Variants in NCKAP5 observed in about 807,000 individuals in gnomAD.
The protein encoded by NCKAP5 is nck-associated protein 5.
A neutral mutation model predicts 167.0 loss-of-function variants in NCKAP5; 92 were observed. The ratio of observed to expected loss-of-function variants is 0.55; its 90% CI spans 0.47 to 0.66. NCKAP5 has a LOEUF of 0.66. NCKAP5 is among the 30% of genes least tolerant of loss of function. The probability of loss-of-function intolerance (pLI) is 0.00; values close to 1 mark genes in which losing one functional copy is unlikely to be tolerated. For missense variants in NCKAP5, 2,378 were observed against 2,315.0 expected (o/e 1.03, Z -0.56); for synonymous variants, 891 against 877.4 (o/e 1.02, Z -0.27).
intron 11 of NCKAP5, among the ~76,000 whole-genome samples, chr2:132,846,466 G>A (rs928041867): frequency 3.3e-5 from 5 of 151,900 alleles, no homozygotes; most frequent in South Asian, 2.1e-4. Context: ...CACCACGCCC[G>A]GCTAATTTTT....
chr2:133,468,575 T>C (rs1692786814), intron 3 of NCKAP5, among the ~76,000 whole-genome samples: 2 of 152,280 alleles, frequency 1.3e-5, no homozygotes, highest in Non-Finnish European at 1.5e-5. Context: ...TTGTTGACTT[T>C]CTGTCTCGTT....
At chr2:133,661,021 G>A in the NCKAP5 span, among the ~76,000 whole-genome samples, 1 of 151,494 alleles carries the variant, frequency 6.6e-6, no homozygotes, top group Admixed American at 6.6e-5. Context: ...ATTAAAAGAT[G>A]TCTTTCCTGA....
intron 3 of NCKAP5, among the ~76,000 whole-genome samples, chr2:133,399,491 G>A (rs1687967380): frequency 6.6e-6 from 1 of 152,144 alleles, no homozygotes. Flanking sequence ...TGTACATATA[G>A]ATAGGCAAGA....
intron 8 of NCKAP5, among the ~76,000 whole-genome samples, chr2:132,960,842 G>A (rs985528586): frequency 6.6e-6 from 1 of 152,090 alleles, no homozygotes; most frequent in Non-Finnish European, 1.5e-5. Context: ...AATTAAAGAA[G>A]ACTGCTGTCC....
chr2:132,743,435 T>C (rs1232666362), intron 16 of NCKAP5, among the ~76,000 whole-genome samples: 1 of 151,788 alleles, frequency 6.6e-6, no homozygotes, highest in East Asian at 1.9e-4. Context: ...GGAGAGGTTA[T>C]ATGAAAATAG....
At chr2:133,485,418 C>T (rs1311767316) in intron 3 of NCKAP5, among the ~76,000 whole-genome samples, 1 of 152,106 alleles carries the variant, frequency 6.6e-6, no homozygotes, top group Non-Finnish European at 1.5e-5. Flanking sequence ...TAGATTTTGG[C>T]AGCTTCTAGA....
At chr2:133,172,483 T>G (rs1167177006) in intron 5 of NCKAP5, among the ~76,000 whole-genome samples, 1 of 152,244 alleles carries the variant, frequency 6.6e-6, no homozygotes, top group African/African-American at 2.4e-5. Flanking sequence ...TCATATCTGT[T>G]TTTTTGAGAC....
intron 16 of NCKAP5, among the ~76,000 whole-genome samples, chr2:132,773,163 G>A (rs1205411174): frequency 6.6e-6 from 1 of 152,192 alleles, no homozygotes; most frequent in Non-Finnish European, 1.5e-5. Flanking sequence ...TGGCCTGGAG[G>A]AGCTAAAGGT....
chr2:132,868,960 A>C lies in NCKAP5; in HGVS notation c.663T>G (p.Val221=). The C allele has an allele frequency of 6.5e-7, 1 of 1,548,020 alleles. No individual in the cohort carries two copies. The highest frequency in any genetic ancestry group is 1.4e-5 in the African/African-American group (1 of 73,052). The part of the protein sequence containing the change: ...ERCLDEVANQ[V]VQALLTQKDL... ...CCTTTTGAGTAAGCAGAGCTTGAACAACTTGGTTGGCTACCTTTAAAAAAT... is the reference window on the plus strand; with the variant it reads ...CCTTTTGAGTAAGCAGAGCTTGAACCACTTGGTTGGCTACCTTTAAAAAAT... Residue 221 remains valine, a synonymous_variant, in exon 10 of 20, where the codon GTT becomes GTG. Transcript: ENST00000409261.
chr2:132,788,552 G>A (rs185814044), intron 13 of NCKAP5, among the ~76,000 whole-genome samples: 158 of 152,212 alleles, frequency 1.0e-3, no homozygotes, highest in Non-Finnish European at 2.0e-3. Context: ...TCTGTGAAAT[G>A]GGGAGAATAG....
At chr2:133,624,592 A>T in the NCKAP5 span, among the ~76,000 whole-genome samples, 1 of 152,218 alleles carries the variant, frequency 6.6e-6, no homozygotes, top group Non-Finnish European at 1.5e-5. Flanking sequence ...AAAAGGCTCA[A>T]AATAGCAGCA....
intron 13 of NCKAP5, among the ~76,000 whole-genome samples, chr2:132,788,970 A>G (rs1683825965): frequency 6.6e-6 from 1 of 152,158 alleles, no homozygotes; most frequent in South Asian, 2.1e-4. Flanking sequence ...GAGATATGAC[A>G]GGTGTACTGG....
intron 3 of NCKAP5, among the ~76,000 whole-genome samples, chr2:133,429,717 G>A (rs752349352): frequency 2.6e-5 from 4 of 152,104 alleles, no homozygotes; most frequent in Non-Finnish European, 5.9e-5. Flanking sequence ...ATCCACCGTT[G>A]ATGGGCACCT....
At chr2:133,646,351 T>G in the NCKAP5 span, among the ~76,000 whole-genome samples, 2 of 152,124 alleles carry the variant, frequency 1.3e-5, no homozygotes, top group Admixed American at 1.3e-4. Context: ...AAATAGTGAC[T>G]TGTCACATAC....
At chr2:132,922,722 G>C (rs566420768) in intron 8 of NCKAP5, among the ~76,000 whole-genome samples, 18 of 152,304 alleles carry the variant, frequency 1.2e-4, no homozygotes, top group African/African-American at 4.3e-4. Flanking sequence ...GATGTTCCCA[G>C]AAGTATAGAG....
rs150645706 is a variant in NCKAP5 at position 133,051,162 on chromosome 2, A to G, written c.342-56923T>C. ...TTGAGGCTTGGAGTAGAGAAATAAA[A>G]GCCAACTTCCTAATTATTCCCTCTG... On this transcript the variant is annotated intron_variant, in intron 6 of 19. Coordinates refer to ENST00000409261, the MANE Select transcript of NCKAP5 (RefSeq NM_207363.3). Among the ~76,000 whole-genome samples, 98 of 152,286 alleles carry G rather than the reference A, an allele frequency of 6.4e-4. 2 individuals carry two copies. In the East Asian group the frequency reaches 0.017, roughly 27 times the overall value.
chr2:133,072,297 G>C (rs2080441303), intron 6 of NCKAP5, among the ~76,000 whole-genome samples: 1 of 152,068 alleles, frequency 6.6e-6, no homozygotes, highest in African/African-American at 2.4e-5. Flanking sequence ...TGTTGGCCAG[G>C]ATGGTCTTGA....
At chr2:133,613,490 T>A in the NCKAP5 span, among the ~76,000 whole-genome samples, 6 of 152,220 alleles carry the variant, frequency 3.9e-5, no homozygotes, top group African/African-American at 1.4e-4. Context: ...TGTTTTCACC[T>A]CCATTCAATT....
intron 2 of NCKAP5, among the ~76,000 whole-genome samples, chr2:133,533,029 G>A (rs572472755): frequency 2.0e-5 from 3 of 152,098 alleles, no homozygotes; most frequent in Non-Finnish European, 2.9e-5. Flanking sequence ...CAAAGAATGT[G>A]GTAATAGTGA....
Sources: allele counts gnomAD v4.1 joint callset (sites outside exome capture counted in the v4.1 genomes callset), GRCh38; gene constraint gnomAD v4.1.1; transcripts MANE v1.5; gene names NCBI Gene and HGNC (gene_info 2026-07-23, HGNC 2026-07-21).